The following PTPRD variants were observed in gnomAD, a reference collection of about 807,000 sequenced individuals.
PTPRD encodes the protein receptor-type tyrosine-protein phosphatase delta.
In PTPRD, 34 loss-of-function variants were observed where a neutral mutation model predicts 214.5. The observed-to-expected ratio is 0.16, with a 90% CI of 0.12 to 0.21. The LOEUF (loss-of-function observed/expected upper bound fraction) is 0.21. Ranked by LOEUF, PTPRD falls within the 10% of genes least tolerant of loss-of-function variation. The pLI, the probability that PTPRD is intolerant of heterozygous loss-of-function variation, is 1.00. For synonymous variants in PTPRD, 1,128 were observed against 845.7 expected (o/e 1.33, Z -5.79); for missense variants, 2,545 against 2,398.7 (o/e 1.06, Z -1.27).
chr9:9,975,895 A>G (rs776783371), intron 4 of PTPRD, among the ~76,000 whole-genome samples: 1 of 152,182 alleles, frequency 6.6e-6, no homozygotes, highest in Non-Finnish European at 1.5e-5. Flanking sequence ...GGTGTACAGC[A>G]TTATTTGGCA....
intron 6 of PTPRD, among the ~76,000 whole-genome samples, chr9:9,747,449 C>T (rs965407990): frequency 6.6e-6 from 1 of 151,684 alleles, no homozygotes; most frequent in Non-Finnish European, 1.5e-5. Flanking sequence ...ACATTCGTTA[C>T]AAAACTGGGG....
At chr9:9,765,863 C>T (rs1477328947) in intron 6 of PTPRD, among the ~76,000 whole-genome samples, 1 of 152,004 alleles carries the variant, frequency 6.6e-6, no homozygotes, top group Non-Finnish European at 1.5e-5. Context: ...GGGGTTTCAC[C>T]GTGTTAGCCA....
intron 8 of PTPRD, among the ~76,000 whole-genome samples, chr9:9,538,603 G>A (rs1269420931): frequency 1.3e-5 from 2 of 151,884 alleles, no homozygotes; most frequent in African/African-American, 4.8e-5. Context: ...GCATACTGCA[G>A]AATCTGGAAT....
chr9:8,705,292 C>G (rs1385691049), intron 12 of PTPRD, among the ~76,000 whole-genome samples: 1 of 152,186 alleles, frequency 6.6e-6, no homozygotes, highest in Non-Finnish European at 1.5e-5. Context: ...ACCATCTTGG[C>G]TCACTGCAAC....
rs72706296 is a variant in PTPRD, at chr9:8,944,504, G to A, written c.-104+74193C>T. ...TATCCAAGATTTGGAAGCAACCTAC[G>A]TGTCCATCGACAGATGAATGGATAA... On this transcript the variant is annotated intron_variant, in intron 11 of 45. Transcript: ENST00000381196. Among the ~76,000 whole-genome samples, 1,441 of 152,148 alleles carry A rather than the reference G, an allele frequency of 9.5e-3. 12 individuals are homozygous for A. Among genetic ancestry groups the A allele is most frequent in the African/African-American group, 0.025 (1,046 of 41,516 alleles).
intron 8 of PTPRD, among the ~76,000 whole-genome samples, chr9:9,457,662 T>C (rs1217323016): frequency 1.3e-5 from 2 of 152,060 alleles, no homozygotes; most frequent in Non-Finnish European, 2.9e-5. Context: ...ATACAGTTTC[T>C]TTTGTACAAC....
chr9:9,209,740 G>C (rs2099947313), intron 9 of PTPRD, among the ~76,000 whole-genome samples: 1 of 152,110 alleles, frequency 6.6e-6, no homozygotes. Flanking sequence ...ATTTTTATAA[G>C]TGTTTAAAAT....
At chr9:8,820,312 T>C (rs1397847109) in intron 11 of PTPRD, among the ~76,000 whole-genome samples, 1 of 152,170 alleles carries the variant, frequency 6.6e-6, no homozygotes, top group African/African-American at 2.4e-5. Context: ...AGCTACTTAC[T>C]GTACTAGGCA....
intron 35 of PTPRD, among the ~76,000 whole-genome samples, chr9:8,415,500 T>G (rs2093865070): frequency 6.6e-6 from 1 of 152,182 alleles, no homozygotes; most frequent in South Asian, 2.1e-4. Flanking sequence ...AGGCTGTGAT[T>G]GGAATATTAA....
chr9:10,137,779 C>T (rs983704974), intron 3 of PTPRD, among the ~76,000 whole-genome samples: 3 of 151,134 alleles, frequency 2.0e-5, no homozygotes, highest in African/African-American at 7.3e-5. Flanking sequence ...AAACCACTTG[C>T]ACCTGAATGG....
At chr9:10,606,439 T>A (rs935835196) in intron 2 of PTPRD, among the ~76,000 whole-genome samples, 14 of 151,850 alleles carry the variant, frequency 9.2e-5, no homozygotes, top group African/African-American at 3.4e-4. Context: ...TATGTGAGTA[T>A]TTTTCCTAAA....
At chr9:9,875,461 C>T (rs746749058) in intron 5 of PTPRD, among the ~76,000 whole-genome samples, 1 of 150,004 alleles carries the variant, frequency 6.7e-6, no homozygotes, top group Non-Finnish European at 1.5e-5. Context: ...AAGTAGGATG[C>T]AAACCAAAGA....
chr9:10,516,104 G>C (rs973906096), intron 2 of PTPRD, among the ~76,000 whole-genome samples: 1 of 151,868 alleles, frequency 6.6e-6, no homozygotes, highest in African/African-American at 2.4e-5. Context: ...AAATAGGATT[G>C]ATGGGTCATA....
intron 9 of PTPRD, among the ~76,000 whole-genome samples, chr9:9,247,623 A>T (rs1197952005): frequency 5.3e-5 from 8 of 152,014 alleles, no homozygotes; most frequent in Admixed American, 4.6e-4. Flanking sequence ...TCAACTCTAC[A>T]TAGCCAAAGC....
At chr9:8,529,833 C>A (rs527247439) in intron 14 of PTPRD, among the ~76,000 whole-genome samples, 24 of 152,222 alleles carry the variant, frequency 1.6e-4, no homozygotes, top group Non-Finnish European at 2.1e-4. Context: ...GGTACATATG[C>A]ACAACGTGCA....
intron 2 of PTPRD, among the ~76,000 whole-genome samples, chr9:10,509,470 CATCTATCT>C (rs4008059): frequency 0.24 from 32,611 of 138,094 alleles, 4,501 homozygotes; most frequent in Middle Eastern, 0.31. Flanking sequence ...TTGATTGATC[CATCTATCT>C]ATCTATCTAT....
chr9:9,322,834 A>T (rs1967231705), intron 9 of PTPRD, among the ~76,000 whole-genome samples: 2 of 152,162 alleles, frequency 1.3e-5, no homozygotes, highest in Admixed American at 1.3e-4. Flanking sequence ...AGCATGTAAG[A>T]GTGAGTCATT....
chr9:10,389,328 C>G (rs1407920), intron 2 of PTPRD, among the ~76,000 whole-genome samples: 95,736 of 151,632 alleles, frequency 0.63, 31,869 homozygotes, highest in Non-Finnish European at 0.76. Context: ...AGGAATAGAT[C>G]TGACATTTTG....
At chr9:8,838,338 A>G (rs1008398090) in intron 11 of PTPRD, among the ~76,000 whole-genome samples, 1 of 152,070 alleles carries the variant, frequency 6.6e-6, no homozygotes, top group Non-Finnish European at 1.5e-5. Flanking sequence ...TTGGAAAAAA[A>G]AATTATTTAG....
Sources: gnomAD v4.1 joint callset for allele counts (sites outside exome capture counted in the v4.1 genomes callset) on GRCh38, gnomAD v4.1.1 for gene constraint, MANE v1.5 for transcripts, NCBI Gene and HGNC (gene_info 2026-07-23, HGNC 2026-07-21) for gene names.